The following TMEM67 variants were observed in gnomAD, a reference collection of about 807,000 sequenced individuals.
TMEM67 encodes the protein meckelin.
Under a neutral mutation model 136.6 loss-of-function variants are expected in TMEM67, and 124 were observed. That is an observed-to-expected ratio of 0.91 (90% CI 0.78 to 1.05). The LOEUF is 1.05. Among genes scored for constraint, TMEM67 ranks in the 50% least tolerant of loss-of-function variants. The pLI is 0.00. For missense variants in TMEM67, 1,107 were observed against 1,178.4 expected (o/e 0.94, Z 0.89); for synonymous variants, 364 against 390.5 (o/e 0.93, Z 0.80).
At chr8:93,755,755 T>A in intron 1 of TMEM67, 23 bp from the exon 2 acceptor site, 1 of 1,181,330 alleles carries the variant, frequency 8.5e-7, no homozygotes, top group Non-Finnish European at 1.2e-6. Context: ...AATTGGCTTT[T>A]TTTTTTTTTT....
At chr8:93,769,942 A>G (rs1391539372) in intron 6 of TMEM67, among the ~76,000 whole-genome samples, 1 of 152,188 alleles carries the variant, frequency 6.6e-6, no homozygotes, top group Non-Finnish European at 1.5e-5. Flanking sequence ...TGTTTGTATA[A>G]TTTTATAACA....
rs1563463248 is a variant in TMEM67 at position 93,786,297 on chromosome 8, T to G, written c.1363T>G (p.Leu455Val). The G allele has an allele frequency of 1.2e-6, 2 of 1,614,042 alleles. No homozygotes were observed. Among genetic ancestry groups the G allele is most frequent in the Non-Finnish European group, 1.7e-6 (2 of 1,179,922 alleles). ...VDAVSGREND[L>V]GTQPRVIRVA... ...TGCAGTAAGTGGACGAGAAAATGAC[T>G]TAGGAACTCAGCCAAGAGTAATTCG... is the stretch of plus-strand genomic sequence containing the variant. Residue 455 changes from leucine (L) to valine (V), a missense_variant, in exon 13 of 28, where the codon TTA (leucine) becomes GTA (valine). Physicochemically the swap from Leu to Val is conservative, Grantham distance 32. Transcript: ENST00000453321.
In TMEM67 at chr8:93,763,833, A is replaced by C; in HGVS notation, c.407-9A>C. On this transcript the variant is annotated splice_polypyrimidine_tract_variant and intron_variant, in intron 3 of 27. Transcript: ENST00000453321. ...AGTTACATCTTTATTTTGTTTCTAA[A>C]CTGTTCAGTGGAAAGAGACATTAAT... 6.3e-7 allele frequency: 1 copy of C among 1,594,414 alleles called. No homozygotes were observed. The highest frequency in any genetic ancestry group is 8.6e-7 in the Non-Finnish European group (1 of 1,162,298).
downstream of TMEM67, among the ~76,000 whole-genome samples, chr8:93,818,646 C>T (rs950495738): frequency 6.6e-6 from 1 of 152,110 alleles, no homozygotes; most frequent in Admixed American, 6.6e-5. Context: ...GCAAAAGAAG[C>T]CCTGGATTCA....
rs1563472369 is a variant in TMEM67, at chr8:93,797,416, T to A, written c.2046T>A (p.Thr682=). The change falls in exon 20 of 28, where the codon ACT becomes ACA. Residue 682 remains threonine, a synonymous_variant. Coordinates refer to ENST00000453321, the MANE Select transcript of TMEM67 (RefSeq NM_153704.6). ...CAAATGAATGGAATGAAATTCAGAC[T>A]GTGAGAAAAATTAATTCACTCTTTC... The part of the protein sequence containing the change: ...FVANEWNEIQ[T]VRKINSLFQV... The A allele has an allele frequency of 8.7e-6, 14 of 1,614,026 alleles. No homozygotes were observed. The highest frequency in any genetic ancestry group is 1.1e-5 in the Non-Finnish European group (13 of 1,179,906).
intron 25 of TMEM67, among the ~76,000 whole-genome samples, chr8:93,809,364 T>C (rs538263674): frequency 2.0e-5 from 3 of 152,316 alleles, no homozygotes; most frequent in Admixed American, 2.0e-4. Flanking sequence ...TAACAAACTA[T>C]GGCTTAGGGA....
the TMEM67 span, among the ~76,000 whole-genome samples, chr8:93,824,491 C>T: frequency 6.6e-6 from 1 of 152,168 alleles, no homozygotes; most frequent in Non-Finnish European, 1.5e-5. Context: ...AAACCCATTC[C>T]TCTTATTCTG....
At chr8:93,819,364 A>C (rs1275932991), downstream of TMEM67, 1 of 350,548 alleles carries the variant, frequency 2.9e-6, no homozygotes, top group East Asian at 8.1e-5. Context: ...AAAAGAAGAC[A>C]ACACCCCTGT....
chr8:93,785,155 TA>T (rs1306709334), intron 11 of TMEM67, 66 bp from the exon 12 acceptor site: 1 of 949,620 alleles, frequency 1.1e-6, no homozygotes, highest in South Asian at 1.4e-5. Flanking sequence ...TCTTTTATTT[TA>T]TTTTTTACTT....
chr8:93,754,884 T>C (rs1812490763), upstream of TMEM67: 2 of 1,602,946 alleles, frequency 1.2e-6, no homozygotes, highest in Non-Finnish European at 1.7e-6. Flanking sequence ...GATGGGGGGC[T>C]GGAGGCTGTG....
Position 93,808,794 on chromosome 8 carries a change from A to G in TMEM67, c.2440-46A>G, listed in dbSNP as rs749416188. ...TCTGTATTTTCTTTTTGAGGCAGGA[A>G]ATTTTTTATAATTTTGATCTTAACT... On this transcript the variant is annotated intron_variant, in intron 23 of 27. Coordinates refer to ENST00000453321, the MANE Select transcript of TMEM67 (RefSeq NM_153704.6). 3 of 1,275,786 alleles carry G rather than the reference A, an allele frequency of 2.4e-6. No homozygotes were observed. The African/African-American group carries it at 4.4e-5, about 19-fold the overall frequency. The allele number at this position is 1,275,786 out of a possible 1,614,324, so 79.0% of individuals were successfully genotyped here.
chr8:93,809,873 G>A lies in TMEM67; in HGVS notation c.2750G>A (p.Ser917Asn). The change falls in exon 26 of 28, where the codon AGC becomes AAC. Residue 917 changes from serine (S) to asparagine (N), a missense_variant. Physicochemically the swap from Ser to Asn is conservative, Grantham distance 46. This residue lies in a region of TMEM67 where 925 missense variants were observed against 1,002.4 expected (regional missense o/e 0.92). Coordinates refer to ENST00000453321, the MANE Select transcript of TMEM67 (RefSeq NM_153704.6). ...GAATTCATGGAACCAATGGAAAAAA[G>A]CATCTTTTACAATGGTATCTTCTAA... Reference protein sequence around the residue: ...GMEFMEPMEKSIFYNDEGYSF... With the variant: ...GMEFMEPMEKNIFYNDEGYSF... 3.1e-6 allele frequency: 5 copies of A among 1,602,722 alleles called. No individual in the cohort carries two copies. The highest frequency in any genetic ancestry group is 4.3e-6 in the Non-Finnish European group (5 of 1,170,434).
At chr8:93,784,958 A>G (rs1212894263) in intron 11 of TMEM67, among the ~76,000 whole-genome samples, 2 of 152,202 alleles carry the variant, frequency 1.3e-5, no homozygotes, top group Admixed American at 6.5e-5. Flanking sequence ...TTGAAGCTCA[A>G]GAAGTTCTCA....
intron 10 of TMEM67, among the ~76,000 whole-genome samples, chr8:93,782,107 G>T (rs1351341820): frequency 6.6e-6 from 1 of 152,062 alleles, no homozygotes; most frequent in East Asian, 1.9e-4. Context: ...GTAGAGACGG[G>T]ATTTCACCAT....
intron 21 of TMEM67, among the ~76,000 whole-genome samples, chr8:93,803,294 C>T (rs1814946511): frequency 6.6e-6 from 1 of 152,144 alleles, no homozygotes; most frequent in Non-Finnish European, 1.5e-5. Flanking sequence ...ACCATCGATG[C>T]ATTGATATAT....
intron 3 of TMEM67, among the ~76,000 whole-genome samples, chr8:93,761,359 G>A (rs538809984): frequency 2.1e-3 from 314 of 152,312 alleles, no homozygotes; most frequent in African/African-American, 7.3e-3. Flanking sequence ...CAGGGAAATA[G>A]TTATTCGTGT....
intron 23 of TMEM67, among the ~76,000 whole-genome samples, chr8:93,806,486 A>G (rs1815155589): frequency 6.6e-6 from 1 of 152,208 alleles, no homozygotes. Flanking sequence ...AACAAAATTG[A>G]TAAAATATTA....
At chr8:93,811,268 G>A (rs907534149) in intron 26 of TMEM67, 3 of 152,242 alleles carry the variant, frequency 2.0e-5, no homozygotes, top group African/African-American at 7.2e-5. Context: ...GTTTGAACTG[G>A]ATTTTAAAAA....
intron 17 of TMEM67, 49 bp from the exon 18 acceptor site, chr8:93,795,852 C>A (rs562697207): frequency 2.8e-4 from 386 of 1,374,756 alleles, no homozygotes; most frequent in Middle Eastern, 1.6e-3. Context: ...AACAAACAAA[C>A]AAAAAAAACT....
Sources: allele counts gnomAD v4.1 joint callset (sites outside exome capture counted in the v4.1 genomes callset), GRCh38; gene constraint gnomAD v4.1.1; regional missense constraint gnomAD v4.1.1; transcripts MANE v1.5; gene names NCBI Gene and HGNC (gene_info 2026-07-23, HGNC 2026-07-21).